The following SHISAL2A variants were observed in gnomAD, a reference collection of about 807,000 sequenced individuals.
SHISAL2A encodes shisa like 2A.
Under a neutral mutation model 11.5 loss-of-function variants are expected in SHISAL2A, and 18 were observed. The observed-to-expected ratio is 1.57, with a 90% CI of 1.08 to 2.33. The LOEUF is 2.33. Ranked by LOEUF, SHISAL2A falls within the 30% of genes most tolerant of loss-of-function variation. The pLI is 0.00. For missense variants in SHISAL2A, 261 were observed against 250.9 expected (o/e 1.04, Z -0.27); for synonymous variants, 94 against 99.6 (o/e 0.94, Z 0.34).
intron 1 of SHISAL2A, among the ~76,000 whole-genome samples, chr1:52,641,437 AC>A (rs1691361847): frequency 6.6e-6 from 1 of 150,980 alleles, no homozygotes; most frequent in Non-Finnish European, 1.5e-5. Context: ...TGTGGGGAAA[AC>A]CCCCCCATAC....
chr1:52,664,088 AT>A (rs1691960286), intron 4 of SHISAL2A, among the ~76,000 whole-genome samples: 1 of 152,252 alleles, frequency 6.6e-6, no homozygotes, highest in Non-Finnish European at 1.5e-5. Context: ...AAGTGTTTAT[AT>A]AACTACAGAA....
downstream of SHISAL2A, among the ~76,000 whole-genome samples, chr1:52,660,881 A>C (rs1691895248): frequency 6.6e-6 from 1 of 152,216 alleles, no homozygotes; most frequent in African/African-American, 2.4e-5. Context: ...ACAGGCATTT[A>C]CAAAAGATCC....
chr1:52,638,384 G>A (rs1691284984), intron 1 of SHISAL2A, among the ~76,000 whole-genome samples: 1 of 145,230 alleles, frequency 6.9e-6, no homozygotes, highest in East Asian at 2.1e-4. Flanking sequence ...ACAGCCCTAC[G>A]AACAGTAAGC....
At chr1:52,641,601 T>C (rs1691365320) in intron 1 of SHISAL2A, among the ~76,000 whole-genome samples, 3 of 151,916 alleles carry the variant, frequency 2.0e-5, no homozygotes, top group South Asian at 4.2e-4. Context: ...AGACATGGAG[T>C]TGACACTGAC....
At chr1:52,657,557 T>C (rs1050870696), downstream of SHISAL2A, among the ~76,000 whole-genome samples, 3 of 151,848 alleles carry the variant, frequency 2.0e-5, no homozygotes, top group African/African-American at 4.8e-5. Context: ...GAGTGCTAAG[T>C]GAGAGAATGA....
intron 2 of SHISAL2A, among the ~76,000 whole-genome samples, chr1:52,651,222 A>G (rs1691638146): frequency 1.3e-5 from 2 of 152,036 alleles, no homozygotes; most frequent in South Asian, 4.1e-4. Flanking sequence ...GCAATCTCCA[A>G]TATTGCAAAG....
At chr1:52,663,483 G>C (rs1477269619) in intron 4 of SHISAL2A, among the ~76,000 whole-genome samples, 1 of 152,132 alleles carries the variant, frequency 6.6e-6, no homozygotes, top group Non-Finnish European at 1.5e-5. Context: ...ACATGTGGCC[G>C]GGCGCGGTGG....
At chr1:52,668,900 G>C (rs1162174010) in exon 6 of SHISAL2A, 1 of 152,276 alleles carries the variant, frequency 6.6e-6, no homozygotes, top group Non-Finnish European at 1.5e-5. Context: ...CTGCAGACAG[G>C]CCTCTGGCCA....
intron 2 of SHISAL2A, among the ~76,000 whole-genome samples, chr1:52,651,884 G>A (rs1293888927): frequency 6.6e-6 from 1 of 152,174 alleles, no homozygotes; most frequent in Non-Finnish European, 1.5e-5. Context: ...AGAAAAATTA[G>A]GCCAGTTGTA....
intron 1 of SHISAL2A, among the ~76,000 whole-genome samples, chr1:52,637,362 G>T (rs774283640): frequency 5.9e-5 from 9 of 152,212 alleles, no homozygotes; most frequent in Non-Finnish European, 1.2e-4. Flanking sequence ...TGGAGACCTT[G>T]TTTTGCTGTA....
intron 2 of SHISAL2A, among the ~76,000 whole-genome samples, chr1:52,654,194 A>T (rs1017676177): frequency 1.3e-5 from 2 of 151,830 alleles, no homozygotes; most frequent in Non-Finnish European, 2.9e-5. Context: ...TACAAGTGTG[A>T]GCCACTGTGC....
At chr1:52,652,544 G>C (rs1463917912) in intron 2 of SHISAL2A, among the ~76,000 whole-genome samples, 2 of 152,064 alleles carry the variant, frequency 1.3e-5, no homozygotes, top group Admixed American at 6.6e-5. Flanking sequence ...TTCAGCTAAG[G>C]GGATTCTTGT....
At chr1:52,643,936 GAGAA>G (rs527590141) in intron 2 of SHISAL2A, among the ~76,000 whole-genome samples, 64 of 152,128 alleles carry the variant, frequency 4.2e-4, no homozygotes, top group Admixed American at 3.9e-3. Context: ...GGGAGAGAAA[GAGAA>G]AGGAAGGAAG....
chr1:52,638,726 C>T (rs779168516), intron 1 of SHISAL2A, among the ~76,000 whole-genome samples: 24 of 152,202 alleles, frequency 1.6e-4, no homozygotes, highest in Admixed American at 4.6e-4. Flanking sequence ...GAATGTACTC[C>T]TCAGGGTTAT....
At chr1:52,662,340 TTTTA>T (rs1205028577) in intron 4 of SHISAL2A, among the ~76,000 whole-genome samples, 224 of 151,738 alleles carry the variant, frequency 1.5e-3, no homozygotes, top group Non-Finnish European at 2.5e-3. Context: ...TTTTATTTTA[TTTTA>T]TTTATTTATT....
At chr1:52,654,181 G>C (rs1444112307) in intron 2 of SHISAL2A, among the ~76,000 whole-genome samples, 1 of 151,984 alleles carries the variant, frequency 6.6e-6, no homozygotes, top group African/African-American at 2.4e-5. Context: ...AAAGTGTGGG[G>C]ATTACAAGTG....
intron 2 of SHISAL2A, among the ~76,000 whole-genome samples, chr1:52,645,298 T>C (rs1691473698): frequency 6.6e-6 from 1 of 152,180 alleles, no homozygotes; most frequent in African/African-American, 2.4e-5. Context: ...CTGGCTCCTC[T>C]TGGAGTGAGA....
chr1:52,647,960 G>A (rs1467829463), intron 2 of SHISAL2A, among the ~76,000 whole-genome samples: 1 of 150,594 alleles, frequency 6.6e-6, no homozygotes, highest in Non-Finnish European at 1.5e-5. Context: ...GGTTGGGATG[G>A]GGGAAGCAGG....
At chr1:52,655,019 C>G (rs1275131600) in intron 2 of SHISAL2A, among the ~76,000 whole-genome samples, 1 of 151,940 alleles carries the variant, frequency 6.6e-6, no homozygotes, top group Non-Finnish European at 1.5e-5. Flanking sequence ...CCCGTCTCTA[C>G]TAAAAATACA....
Sources: allele counts gnomAD v4.1 joint callset (sites outside exome capture counted in the v4.1 genomes callset), GRCh38; gene constraint gnomAD v4.1.1; transcripts MANE v1.5; gene names NCBI Gene and HGNC (gene_info 2026-07-23, HGNC 2026-07-21).